EDIL3: variants seen among roughly 807,000 people sequenced by gnomAD.
EDIL3 encodes the protein EGF-like repeat and discoidin I-like domain-containing protein 3.
EDIL3 carries 37 observed loss-of-function variants against 67.4 expected under a neutral mutation model. The ratio of observed to expected loss-of-function variants is 0.55; its 90% CI spans 0.42 to 0.72. EDIL3 has a LOEUF of 0.72. Ranked by LOEUF, EDIL3 falls within the 30% of genes least tolerant of loss-of-function variation. The probability of loss-of-function intolerance (pLI) is 0.00; values close to 1 mark genes in which losing one functional copy is unlikely to be tolerated. For synonymous variants in EDIL3, 195 were observed against 196.3 expected, an observed-to-expected ratio of 0.99 and a Z score of 0.05; for missense variants, 527 against 586.3, an observed-to-expected ratio of 0.90 and a Z score of 1.04.
chr5:84,021,022 GAA>G (rs1306822747), intron 9 of EDIL3, among the ~76,000 whole-genome samples: 1 of 151,986 alleles, frequency 6.6e-6, no homozygotes, highest in Non-Finnish European at 1.5e-5. Context: ...GTCAGTCAGA[GAA>G]AGAAAATGTC....
At chr5:83,986,805 C>T (rs1207419601) in intron 9 of EDIL3, among the ~76,000 whole-genome samples, 1 of 151,982 alleles carries the variant, frequency 6.6e-6, no homozygotes, top group Non-Finnish European at 1.5e-5. Context: ...GCATTCTAGA[C>T]CAGGAGAAGT....
At chr5:84,300,872 A>C (rs2112129962) in intron 1 of EDIL3, among the ~76,000 whole-genome samples, 1 of 152,288 alleles carries the variant, frequency 6.6e-6, no homozygotes, top group South Asian at 2.1e-4. Context: ...TAGAAGCTAA[A>C]CTAGACCTAG....
In EDIL3 at chr5:84,229,727, A is replaced by G; in HGVS notation, c.226+128T>C. 9.6e-6 allele frequency: 9 copies of G among 934,382 alleles called. No individual in the cohort carries two copies. In the South Asian group the frequency reaches 1.7e-4, roughly 17 times the overall value. 57.9% of individuals were successfully genotyped at this position (934,382 alleles called of 1,614,324 possible). A position where few individuals can be genotyped will look rare whatever the true frequency, so the allele number is the denominator to read the frequency against. ...TAGTGAGCTCAGCAAATATAAAAGT[A>G]AATAAATAAACAAACCTGTGCCAAT... On this transcript the variant is annotated intron_variant, in intron 3 of 10. Coordinates refer to ENST00000296591, the MANE Select transcript of EDIL3 (RefSeq NM_005711.5).
intron 9 of EDIL3, among the ~76,000 whole-genome samples, chr5:83,983,998 G>A (rs542310142): frequency 2.6e-5 from 4 of 152,100 alleles, no homozygotes; most frequent in East Asian, 1.9e-4. Flanking sequence ...GGGCTGGAAA[G>A]GTAGTCTATG....
chr5:84,071,003 C>T (rs1304817116), intron 6 of EDIL3, among the ~76,000 whole-genome samples: 1 of 152,080 alleles, frequency 6.6e-6, no homozygotes, highest in Non-Finnish European at 1.5e-5. Context: ...TACCCAGTTC[C>T]AGCCCACTGC....
chr5:84,060,597 A>G (rs1746524479), intron 8 of EDIL3, 113 bp from the exon 9 acceptor site: 1 of 1,174,448 alleles, frequency 8.5e-7, no homozygotes, highest in South Asian at 1.6e-5. Context: ...TCATTCCTCC[A>G]AAGAGAAAAC....
At chr5:84,376,938 A>G (rs1387268784) in intron 1 of EDIL3, among the ~76,000 whole-genome samples, 1 of 152,236 alleles carries the variant, frequency 6.6e-6, no homozygotes, top group African/African-American at 2.4e-5. Flanking sequence ...AGCGTTTATA[A>G]TACAGAAGTT....
chr5:84,172,452 T>C (rs1176199372), intron 4 of EDIL3, among the ~76,000 whole-genome samples: 2 of 152,066 alleles, frequency 1.3e-5, no homozygotes, highest in East Asian at 1.9e-4. Context: ...CATGGTGGCA[T>C]GCCTATGGTC....
chr5:84,128,872 C>T (rs1747913287), intron 5 of EDIL3, among the ~76,000 whole-genome samples: 1 of 151,962 alleles, frequency 6.6e-6, no homozygotes, highest in Non-Finnish European at 1.5e-5. Context: ...CAGTTTAGCA[C>T]ATAAGGGGAA....
intron 5 of EDIL3, among the ~76,000 whole-genome samples, chr5:84,126,732 C>T (rs1212468923): frequency 1.3e-5 from 2 of 151,976 alleles, no homozygotes; most frequent in Non-Finnish European, 2.9e-5. Context: ...TTTTTATTTT[C>T]TCATCAAAGG....
chr5:84,050,433 G>A (rs1055576966), intron 9 of EDIL3, among the ~76,000 whole-genome samples: 1 of 152,178 alleles, frequency 6.6e-6, no homozygotes, highest in Non-Finnish European at 1.5e-5. Context: ...GAGGTACCAG[G>A]TTCATCTCAC....
chr5:84,034,834 C>T (rs1195769550), intron 9 of EDIL3, among the ~76,000 whole-genome samples: 1 of 152,154 alleles, frequency 6.6e-6, no homozygotes, highest in Admixed American at 6.6e-5. Flanking sequence ...TTTACCTCCT[C>T]ACCCCTGGGA....
At chr5:84,195,762 A>G (rs1170256978) in intron 3 of EDIL3, among the ~76,000 whole-genome samples, 4 of 152,012 alleles carry the variant, frequency 2.6e-5, no homozygotes, top group Admixed American at 2.6e-4. Context: ...GCTTGCCCCC[A>G]TGACCACAGT....
intron 1 of EDIL3, among the ~76,000 whole-genome samples, chr5:84,340,534 C>CTCTATATATATA (rs1432966515): frequency 3.7e-5 from 2 of 54,208 alleles, no homozygotes; most frequent in Admixed American, 2.5e-4. Flanking sequence ...CTCTCTCTCT[C>CTCTATATATATA]TATATATATA....
At chr5:84,348,516 T>C (rs946298032) in intron 1 of EDIL3, among the ~76,000 whole-genome samples, 1 of 151,734 alleles carries the variant, frequency 6.6e-6, no homozygotes, top group African/African-American at 2.4e-5. Flanking sequence ...AAACCTTCAA[T>C]GAGTCTCACT....
chr5:83,992,547 G>A (rs1745169447), intron 9 of EDIL3, among the ~76,000 whole-genome samples: 1 of 152,036 alleles, frequency 6.6e-6, no homozygotes, highest in African/African-American at 2.4e-5. Context: ...TAAACAGTTG[G>A]AAACAAAATC....
At chr5:83,981,053 T>C (rs1421267650) in intron 9 of EDIL3, among the ~76,000 whole-genome samples, 2 of 152,016 alleles carry the variant, frequency 1.3e-5, no homozygotes, top group Non-Finnish European at 2.9e-5. Flanking sequence ...TATTGTTAAA[T>C]GGCAATACTC....
chr5:84,140,384 A>C (rs879192563), intron 4 of EDIL3, among the ~76,000 whole-genome samples: 1 of 152,200 alleles, frequency 6.6e-6, no homozygotes, highest in Non-Finnish European at 1.5e-5. Flanking sequence ...CGATACAAAG[A>C]CACTGCTGTT....
intron 9 of EDIL3, among the ~76,000 whole-genome samples, chr5:83,992,132 G>T (rs1353562527): frequency 6.6e-6 from 1 of 152,062 alleles, no homozygotes; most frequent in East Asian, 1.9e-4. Context: ...AACAATAGTG[G>T]ATATTAAGAG....
Sources: gnomAD v4.1 joint callset for allele counts (sites outside exome capture counted in the v4.1 genomes callset) on GRCh38, gnomAD v4.1.1 for gene constraint, MANE v1.5 for transcripts, NCBI Gene and HGNC (gene_info 2026-07-23, HGNC 2026-07-21) for gene names.